The following BCKDHB variants were observed in gnomAD, a reference collection of about 807,000 sequenced individuals.
BCKDHB encodes branched chain keto acid dehydrogenase E1 subunit beta.
BCKDHB carries 41 observed loss-of-function variants against 48.5 expected under a neutral mutation model. That is an observed-to-expected ratio of 0.85 (90% CI 0.66 to 1.10). The LOEUF (loss-of-function observed/expected upper bound fraction) is 1.10. BCKDHB is among the 50% of genes least tolerant of loss of function. The probability of loss-of-function intolerance (pLI) is 0.00; values close to 1 mark genes in which losing one functional copy is unlikely to be tolerated. For missense variants in BCKDHB, 496 were observed against 494.2 expected, an observed-to-expected ratio of 1.00 and a Z score of -0.03; for synonymous variants, 201 against 174.8, an observed-to-expected ratio of 1.15 and a Z score of -1.18.
chr6:80,413,021 T>G, the BCKDHB span, among the ~76,000 whole-genome samples: 1 of 152,188 alleles, frequency 6.6e-6, no homozygotes, highest in Admixed American at 6.5e-5. Flanking sequence ...TTCTTTGGAC[T>G]TCATGCATCT....
chr6:80,151,100 A>G (rs931054273), intron 3 of BCKDHB, among the ~76,000 whole-genome samples: 1 of 152,200 alleles, frequency 6.6e-6, no homozygotes, highest in African/African-American at 2.4e-5. Flanking sequence ...TGTGTTTTCT[A>G]TACAATGGAA....
At chr6:80,331,884 G>A (rs1769329329) in intron 9 of BCKDHB, among the ~76,000 whole-genome samples, 1 of 152,014 alleles carries the variant, frequency 6.6e-6, no homozygotes, top group Admixed American at 6.6e-5. Flanking sequence ...TACATAATTA[G>A]CATTTGAAGA....
chr6:80,225,284 C>T (rs1775634235), intron 8 of BCKDHB, among the ~76,000 whole-genome samples: 1 of 151,944 alleles, frequency 6.6e-6, no homozygotes, highest in Non-Finnish European at 1.5e-5. Context: ...GAGCTGTTTT[C>T]CTAGAAGGAG....
chr6:80,460,987 G>A, the BCKDHB span, among the ~76,000 whole-genome samples: 1 of 152,040 alleles, frequency 6.6e-6, no homozygotes, highest in South Asian at 2.1e-4. Flanking sequence ...TCTCTTAATA[G>A]TTGGTCTTGC....
At chr6:80,424,573 C>T in the BCKDHB span, among the ~76,000 whole-genome samples, 1,706 of 152,042 alleles carry the variant, frequency 0.011, 17 homozygotes, top group African/African-American at 0.025. Context: ...ATGTTTCATG[C>T]GTTAATGTTT....
the BCKDHB span, among the ~76,000 whole-genome samples, chr6:80,397,355 A>C: frequency 6.6e-6 from 1 of 151,612 alleles, no homozygotes; most frequent in Admixed American, 6.6e-5. Context: ...TCATATTGCT[A>C]CTCTTGTTTC....
intron 9 of BCKDHB, among the ~76,000 whole-genome samples, chr6:80,296,105 T>C (rs1222243528): frequency 3.3e-5 from 5 of 152,196 alleles, no homozygotes; most frequent in Non-Finnish European, 7.3e-5. Flanking sequence ...CCTGTTCTGC[T>C]TGATATTTAT....
At chr6:80,252,451 C>A (rs565231782) in intron 8 of BCKDHB, among the ~76,000 whole-genome samples, 1 of 152,272 alleles carries the variant, frequency 6.6e-6, no homozygotes, top group South Asian at 2.1e-4. Flanking sequence ...TCTCCATTCA[C>A]TGGTGTCTTA....
the BCKDHB span, among the ~76,000 whole-genome samples, chr6:80,442,732 T>G: frequency 3.3e-5 from 5 of 152,240 alleles, no homozygotes; most frequent in Admixed American, 6.5e-5. Flanking sequence ...GGAGAGTATC[T>G]TTGGGATACT....
upstream of BCKDHB, chr6:80,106,668 C>T (rs1237977136): frequency 7.1e-6 from 11 of 1,548,136 alleles, no homozygotes; most frequent in Middle Eastern, 2.3e-4. Context: ...GGCTGCATAG[C>T]CTGAGAATCC....
Position 80,169,027 on chromosome 6 carries a change from C to G in BCKDHB, c.630C>G (p.Ile210Met). Residue 210 changes from isoleucine (I) to methionine (M), a missense_variant, in exon 5 of 10, where the codon ATC becomes ATG. By Grantham distance (10) the Ile-to-Met change is conservative. Coordinates refer to ENST00000320393, the MANE Select transcript of BCKDHB (RefSeq NM_183050.4). The stretch of plus-strand genomic sequence containing the variant: ...CATTTTTTGCCCATTGCCCAGGAAT[C>G]AAGGTATGTTCATTTATGTACTTTA... ...PEAFFAHCPG[I>M]KVVIPRSPFQ... 6.2e-7 allele frequency: 1 copy of G among 1,613,856 alleles called. No individual in the cohort carries two copies.
intron 9 of BCKDHB, among the ~76,000 whole-genome samples, chr6:80,328,719 A>C (rs1347194691): frequency 6.6e-6 from 1 of 152,134 alleles, no homozygotes; most frequent in Non-Finnish European, 1.5e-5. Flanking sequence ...CAATTACCCC[A>C]AGTTGCTAGG....
At chr6:80,122,030 A>G (rs909723372) in intron 1 of BCKDHB, among the ~76,000 whole-genome samples, 2 of 152,216 alleles carry the variant, frequency 1.3e-5, no homozygotes, top group Non-Finnish European at 2.9e-5. Flanking sequence ...TGTTCCATCA[A>G]TACCTAGTTT....
intron 3 of BCKDHB, among the ~76,000 whole-genome samples, chr6:80,166,357 T>C (rs561713137): frequency 6.6e-6 from 1 of 152,198 alleles, no homozygotes; most frequent in African/African-American, 2.4e-5. Context: ...CTTAGCTATT[T>C]ATTAAAAAAA....
intron 9 of BCKDHB, among the ~76,000 whole-genome samples, chr6:80,313,708 A>C (rs754582336): frequency 6.6e-6 from 1 of 152,036 alleles, no homozygotes; most frequent in Non-Finnish European, 1.5e-5. Context: ...AAAAAACCAG[A>C]TCCTAGATTT....
At chr6:80,242,743 G>A (rs1411198066) in intron 8 of BCKDHB, among the ~76,000 whole-genome samples, 2 of 152,208 alleles carry the variant, frequency 1.3e-5, no homozygotes, top group African/African-American at 4.8e-5. Context: ...GGGGAGGAGT[G>A]TGGTGCTGGC....
At chr6:80,278,718 C>G (rs1169501283) in intron 9 of BCKDHB, among the ~76,000 whole-genome samples, 4 of 152,124 alleles carry the variant, frequency 2.6e-5, no homozygotes, top group Non-Finnish European at 5.9e-5. Flanking sequence ...GCCACCCTGC[C>G]CAGCTAATGT....
intron 6 of BCKDHB, among the ~76,000 whole-genome samples, chr6:80,175,806 T>C (rs1406839095): frequency 6.6e-6 from 1 of 152,204 alleles, no homozygotes; most frequent in East Asian, 1.9e-4. Context: ...ATAAGAAATA[T>C]ATTCTAAGCA....
At chr6:80,130,138 C>G (rs898085710) in intron 3 of BCKDHB, among the ~76,000 whole-genome samples, 1 of 152,168 alleles carries the variant, frequency 6.6e-6, no homozygotes, top group Non-Finnish European at 1.5e-5. Context: ...TTCTGACTTG[C>G]AGTGTAAGGA....
Sources: gnomAD v4.1 joint callset for allele counts (sites outside exome capture counted in the v4.1 genomes callset) on GRCh38, gnomAD v4.1.1 for gene constraint, MANE v1.5 for transcripts, NCBI Gene and HGNC (gene_info 2026-07-23, HGNC 2026-07-21) for gene names.